BRCA1: variants seen among roughly 807,000 people sequenced by gnomAD.
The protein encoded by BRCA1 is breast cancer type 1 susceptibility protein.
A neutral mutation model predicts 173.7 loss-of-function variants in BRCA1; 140 were observed. That is an observed-to-expected ratio of 0.81 (90% confidence interval 0.70 to 0.93). The LOEUF is 0.93. Ranked by LOEUF, BRCA1 falls within the 40% of genes least tolerant of loss-of-function variation. The probability of loss-of-function intolerance (pLI) is 0.00; values close to 1 mark genes in which losing one functional copy is unlikely to be tolerated. For missense variants in BRCA1, 1,983 were observed against 2,172.5 expected, an observed-to-expected ratio of 0.91 and a Z score of 1.73; for synonymous variants, 662 against 756.0, an observed-to-expected ratio of 0.88 and a Z score of 2.04.
At chr17:43,151,236 T>C (rs1223069396) in intron 1 of BRCA1, among the ~76,000 whole-genome samples, 2 of 152,224 alleles carry the variant, frequency 1.3e-5, no homozygotes, top group African/African-American at 4.8e-5. Context: ...TTTTTGTATC[T>C]ATGACTGTCA....
Position 43,093,155 on chromosome 17 carries a change from C to T in BRCA1, c.2376G>A (p.Gly792=), listed in dbSNP as rs1490530545. The T allele has an allele frequency of 2.5e-6, 4 of 1,613,672 alleles. No individual in the cohort carries two copies. The South Asian group carries it at 3.3e-5, about 13-fold the overall frequency. Residue 792 remains glycine, a synonymous_variant, in exon 10 of 23, where the codon GGG becomes GGA. Transcript: ENST00000357654. The part of the protein sequence containing the change: ...SISLLEVSTL[G]KAKTEPNKCV... Reference sequence around the variant, plus strand: ...ATTTATTTGGTTCTGTTTTTGCCTTCCCTAGAGTGCTAACTTCCAGTAACG... The same window carrying T: ...ATTTATTTGGTTCTGTTTTTGCCTTTCCTAGAGTGCTAACTTCCAGTAACG...
intron 1 of BRCA1, chr17:43,167,049 T>C (rs1567837436): frequency 2.0e-5 from 3 of 152,290 alleles, no homozygotes; most frequent in African/African-American, 7.2e-5. Context: ...TGATCCTCCA[T>C]GGGGGCCTGC....
intron 1 of BRCA1, among the ~76,000 whole-genome samples, chr17:43,141,780 C>A (rs1415982843): frequency 2.0e-5 from 3 of 151,884 alleles, no homozygotes; most frequent in African/African-American, 4.8e-5. Context: ...CCACTGCACT[C>A]CAACCTGGGC....
chr17:43,105,067 A>G, intron 4 of BRCA1, 111 bp from the exon 5 acceptor site: 1 of 842,636 alleles, frequency 1.2e-6, no homozygotes, highest in African/African-American at 1.7e-5. Context: ...CAGCAACAGT[A>G]GAAAACCTCT....
intron 1 of BRCA1, chr17:43,124,888 C>T (rs2154579513): frequency 3.2e-6 from 1 of 313,614 alleles, no homozygotes; most frequent in South Asian, 2.6e-5. Context: ...TCCTGAGTAG[C>T]TGGAGCGGCA....
intron 6 of BRCA1, among the ~76,000 whole-genome samples, chr17:43,103,629 T>G (rs987725276): frequency 6.6e-6 from 1 of 152,072 alleles, no homozygotes; most frequent in Admixed American, 6.6e-5. Flanking sequence ...CTGTAAGGTC[T>G]CTCTCTTGAT....
At chr17:43,071,304 T>G in intron 14 of BRCA1, 66 bp from the exon 15 acceptor site, 3 of 1,559,682 alleles carry the variant, frequency 1.9e-6, no homozygotes, top group Non-Finnish European at 2.6e-6. Flanking sequence ...TTCTGGTCTC[T>G]GTTAAGAATT....
At chr17:43,075,189 G>A (rs1480091245) in intron 13 of BRCA1, among the ~76,000 whole-genome samples, 1 of 152,028 alleles carries the variant, frequency 6.6e-6, no homozygotes, top group Non-Finnish European at 1.5e-5. Flanking sequence ...GAGTCTAAAT[G>A]GATATGTTAG....
chr17:43,078,479 A>T (rs537941409), intron 12 of BRCA1, among the ~76,000 whole-genome samples: 2 of 152,354 alleles, frequency 1.3e-5, no homozygotes, highest in Non-Finnish European at 2.9e-5. Context: ...GCCAAGGCGG[A>T]AATATTTAAT....
At chr17:43,086,353 A>G (rs1036037023) in intron 11 of BRCA1, among the ~76,000 whole-genome samples, 3 of 152,220 alleles carry the variant, frequency 2.0e-5, no homozygotes, top group Non-Finnish European at 4.4e-5. Context: ...ATTAATAAAT[A>G]AGTATAGTTA....
At chr17:43,070,864 T>C (rs887852003) in intron 15 of BRCA1, 64 bp downstream of exon 15, 1 of 1,570,910 alleles carries the variant, frequency 6.4e-7, no homozygotes, top group African/African-American at 1.3e-5. Flanking sequence ...AATACCTACA[T>C]AAAACTCTTT....
chr17:43,167,870 C>T (rs2154581782), intron 1 of BRCA1: 1 of 152,838 alleles, frequency 6.5e-6, no homozygotes, highest in Non-Finnish European at 1.5e-5. Flanking sequence ...ACCAAAATGC[C>T]AGTTAATCTA....
intron 16 of BRCA1, among the ~76,000 whole-genome samples, chr17:43,067,092 A>G (rs938464417): frequency 2.0e-5 from 3 of 151,846 alleles, no homozygotes; most frequent in Non-Finnish European, 2.9e-5. Context: ...TGCTGAGATT[A>G]CAGGTGTGAG....
intron 5 of BRCA1, 47 bp from the exon 6 acceptor site, chr17:43,104,308 G>T: frequency 6.3e-7 from 1 of 1,579,742 alleles, no homozygotes; most frequent in Non-Finnish European, 8.7e-7. Flanking sequence ...AGAGAAAAAT[G>T]TATGAATTAT....
chr17:43,131,528 C>T (rs866999493), intron 1 of BRCA1, among the ~76,000 whole-genome samples: 14 of 152,072 alleles, frequency 9.2e-5, no homozygotes, highest in Middle Eastern at 3.4e-3. Context: ...ATCCCCATTT[C>T]GCTTCATTTT....
intron 12 of BRCA1, chr17:43,079,198 A>G (rs1223829026): frequency 1.3e-6 from 1 of 748,804 alleles, no homozygotes; most frequent in Non-Finnish European, 2.3e-6. Flanking sequence ...ACAAAACAAA[A>G]CAAAAAAAAT....
At chr17:43,135,894 G>A (rs973823607) in intron 1 of BRCA1, among the ~76,000 whole-genome samples, 14 of 152,274 alleles carry the variant, frequency 9.2e-5, no homozygotes, top group Non-Finnish European at 8.8e-5. Flanking sequence ...CCAGGCGCCC[G>A]GCCTCTCACA....
intron 1 of BRCA1, among the ~76,000 whole-genome samples, chr17:43,132,288 T>C (rs1479458119): frequency 6.6e-6 from 1 of 152,096 alleles, no homozygotes; most frequent in Non-Finnish European, 1.5e-5. Flanking sequence ...CTGTCTTCAG[T>C]GCTATCTCGA....
At chr17:43,110,500 C>T (rs1304730071) in intron 3 of BRCA1, 2 of 404,520 alleles carry the variant, frequency 4.9e-6, no homozygotes, top group African/African-American at 2.1e-5. Flanking sequence ...GTGATAGGAT[C>T]GCTTGAGCCT....
Sources: gnomAD v4.1 joint callset for allele counts (sites outside exome capture counted in the v4.1 genomes callset) on GRCh38, gnomAD v4.1.1 for gene constraint, MANE v1.5 for transcripts, NCBI Gene and HGNC (gene_info 2026-07-23, HGNC 2026-07-21) for gene names.